EARS2: variants seen among roughly 807,000 people sequenced by gnomAD.
EARS2 encodes the protein glutamyl-tRNA synthetase 2, mitochondrial.
In EARS2, 50 loss-of-function variants were observed where a neutral mutation model predicts 54.1. The observed-to-expected ratio is 0.92, with a 90% CI of 0.74 to 1.17. The LOEUF (loss-of-function observed/expected upper bound fraction) is 1.17, where lower values mean the gene tolerates loss of function less well. Among genes scored for constraint, EARS2 ranks in the 50% most tolerant of loss-of-function variants. The probability of loss-of-function intolerance (pLI) is 0.00; values close to 1 mark genes in which losing one functional copy is unlikely to be tolerated. For synonymous variants in EARS2, 298 were observed against 281.0 expected (o/e 1.06, Z -0.61); for missense variants, 673 against 675.0 (o/e 1.00, Z 0.03).
Position 23,557,252 on chromosome 16 carries a change from G to A in EARS2, c.92C>T (p.Thr31Ile). 6.6e-7 allele frequency: 1 copy of A among 1,523,514 alleles called. No homozygotes were observed. The highest frequency in any genetic ancestry group is 1.4e-5 in the African/African-American group (1 of 72,228). 94.4% of individuals were successfully genotyped at this position (1,523,514 alleles called of 1,614,324 possible). The change falls in exon 1 of 9, where the codon ACT (threonine) becomes ATT (isoleucine). Residue 31 changes from threonine (T) to isoleucine (I), a missense_variant. This residue lies in a region of EARS2 where 316 missense variants were observed against 275.2 expected (regional missense o/e 1.15). Coordinates refer to ENST00000449606, the MANE Select transcript of EARS2 (RefSeq NM_001083614.2). Reference sequence around the variant, plus strand: ...CACTCGCACCGCAACCCCGGCATCAGTGCCCAGGTTGGCCTCGCGCCGTCC... The same window carrying A: ...CACTCGCACCGCAACCCCGGCATCAATGCCCAGGTTGGCCTCGCGCCGTCC... Reference protein sequence around the residue: ...PVGRREANLGTDAGVAVRVRF... With the variant: ...PVGRREANLGIDAGVAVRVRF...
rs1302965621 is a variant in EARS2 at position 23,521,927 on chromosome 16, C to T, written c.*2444G>A. ...ATCTGAGTTTAAATCTTGGTTTTGC[C>T]TCGTACTATAACCTCGGAAGTTTTA... On this transcript the variant is annotated 3_prime_UTR_variant, in exon 9 of 9. Coordinates refer to ENST00000449606, the MANE Select transcript of EARS2 (RefSeq NM_001083614.2). 3 of 435,234 alleles carry T rather than the reference C, an allele frequency of 6.9e-6. No homozygotes were observed. Among genetic ancestry groups the T allele is most frequent in the East Asian group, 1.4e-4 (2 of 14,132 alleles). The allele number at this position is 435,234 out of a possible 1,614,324, so 27.0% of individuals were successfully genotyped here.
intron 5 of EARS2, among the ~76,000 whole-genome samples, chr16:23,531,324 G>A (rs563869553): frequency 2.0e-5 from 3 of 151,544 alleles, no homozygotes; most frequent in East Asian, 3.9e-4. Context: ...GCAGTGGAGC[G>A]ATCTCGGCTC....
intron 2 of EARS2, among the ~76,000 whole-genome samples, chr16:23,547,910 A>G (rs1199245352): frequency 6.6e-6 from 1 of 151,750 alleles, no homozygotes; most frequent in East Asian, 1.9e-4. Context: ...CAGCCTGGGC[A>G]ACATGGTGAA....
chr16:23,552,633 G>T (rs568785565), intron 1 of EARS2, among the ~76,000 whole-genome samples: 1 of 152,224 alleles, frequency 6.6e-6, no homozygotes, highest in Non-Finnish European at 1.5e-5. Context: ...GGGATTACAG[G>T]TGTGTGCCAC....
chr16:23,549,172 G>C (rs547602086), intron 2 of EARS2, among the ~76,000 whole-genome samples: 31 of 152,332 alleles, frequency 2.0e-4, no homozygotes, highest in African/African-American at 7.5e-4. Context: ...AGCTACAGGA[G>C]TGAAGAGCTG....
intron 3 of EARS2, among the ~76,000 whole-genome samples, chr16:23,544,129 G>C (rs988029280): frequency 3.9e-5 from 6 of 152,172 alleles, no homozygotes; most frequent in African/African-American, 1.4e-4. Context: ...CAGCTCGTAC[G>C]TGCTCACTCT....
chr16:23,542,259 T>G (rs7204605), intron 3 of EARS2, among the ~76,000 whole-genome samples: 122,990 of 149,532 alleles, frequency 0.82, 50,679 homozygotes, highest in Middle Eastern at 0.89. Context: ...CCTCCCAAAG[T>G]GCTGGAATTA....
chr16:23,538,259 C>T (rs1469853590), intron 3 of EARS2, among the ~76,000 whole-genome samples: 2 of 152,016 alleles, frequency 1.3e-5, no homozygotes, highest in African/African-American at 2.4e-5. Flanking sequence ...GTAGCCTCTG[C>T]CTCCCAGGCT....
intron 1 of EARS2, among the ~76,000 whole-genome samples, chr16:23,552,635 G>A (rs1192061713): frequency 6.6e-6 from 1 of 152,344 alleles, no homozygotes; most frequent in East Asian, 1.9e-4. Context: ...GATTACAGGT[G>A]TGTGCCACCA....
At position 23,535,176 on chromosome 16, in the gene EARS2, C is replaced by T. The variant is rs141129877; in HGVS notation, c.670G>A (p.Gly224Ser). 6.8e-4 allele frequency: 1,091 copies of T among 1,613,674 alleles called. 9 individuals are homozygous for T. The African/African-American group carries it at 0.012, about 18-fold the overall frequency. Reference protein sequence around the residue: ...EGDPVIMKSDGFPTYHLACVV... With the variant: ...EGDPVIMKSDSFPTYHLACVV... Reference sequence around the variant, plus strand: ...CAGGCCAGGTGGTATGTGGGGAAGCCGTCGCTCTTCATGATGACTGGGTCT... The same window carrying T: ...CAGGCCAGGTGGTATGTGGGGAAGCTGTCGCTCTTCATGATGACTGGGTCT... The change falls in exon 4 of 9, where the codon GGC (glycine) becomes AGC (serine). Residue 224 changes from glycine (G) to serine (S), a missense_variant. Coordinates refer to ENST00000449606, the MANE Select transcript of EARS2 (RefSeq NM_001083614.2).
At chr16:23,542,752 T>C (rs1473118180) in intron 3 of EARS2, among the ~76,000 whole-genome samples, 1 of 152,174 alleles carries the variant, frequency 6.6e-6, no homozygotes, top group Non-Finnish European at 1.5e-5. Context: ...TCCCCTCCCC[T>C]TGAGTGTGGG....
At chr16:23,543,117 CAAAAAAAA>C (rs35137770) in intron 3 of EARS2, among the ~76,000 whole-genome samples, 5 of 71,994 alleles carry the variant, frequency 6.9e-5, no homozygotes, top group African/African-American at 3.3e-4. Context: ...TCTGTCTCAC[CAAAAAAAA>C]AAAAAAAAAA....
At chr16:23,533,783 C>A (rs904505682) in intron 4 of EARS2, among the ~76,000 whole-genome samples, 1 of 151,776 alleles carries the variant, frequency 6.6e-6, no homozygotes, top group African/African-American at 2.4e-5. Flanking sequence ...AGGCCAGGCA[C>A]GGTGGCTCAC....
chr16:23,536,648 C>T (rs541657098), intron 3 of EARS2, among the ~76,000 whole-genome samples: 2 of 149,128 alleles, frequency 1.3e-5, no homozygotes, highest in South Asian at 2.1e-4. Context: ...GGTGACACAG[C>T]GAGACCCTGT....
rs142416955 is a variant in EARS2 at position 23,533,784 on chromosome 16, G to A, written c.959-1019C>T. On this transcript the variant is annotated intron_variant, in intron 4 of 8. Coordinates refer to ENST00000449606, the MANE Select transcript of EARS2 (RefSeq NM_001083614.2). ...AAGAGTTAAGAACCAGGCCAGGCAC[G>A]GTGGCTCACGCCTGTAATCCCAGTA... Among the ~76,000 whole-genome samples, 101 of 152,252 alleles carry A rather than the reference G, an allele frequency of 6.6e-4. No individual in the cohort carries two copies. The East Asian group carries it at 0.017, about 26-fold the overall frequency.
At chr16:23,524,889 C>A (rs1234728260) in intron 8 of EARS2, 5 of 453,084 alleles carry the variant, frequency 1.1e-5, no homozygotes, top group Admixed American at 4.0e-5. Flanking sequence ...AGGTGATCCA[C>A]CTGCCTAGGC....
chr16:23,527,068 T>C (rs1366517420), intron 7 of EARS2, among the ~76,000 whole-genome samples: 2 of 152,074 alleles, frequency 1.3e-5, no homozygotes, highest in Non-Finnish European at 2.9e-5. Context: ...GCTCAAACGA[T>C]CCTCCCACCT....
intron 5 of EARS2, 110 bp from the exon 6 acceptor site, chr16:23,530,007 A>G: frequency 1.5e-6 from 2 of 1,366,728 alleles, no homozygotes; most frequent in Non-Finnish European, 2.0e-6. Flanking sequence ...AGGTCCCATG[A>G]GCCCTCCCTT....
chr16:23,540,429 T>C (rs8050899), intron 3 of EARS2, among the ~76,000 whole-genome samples: 1,730 of 152,352 alleles, frequency 0.011, 30 homozygotes, highest in African/African-American at 0.04. Context: ...AATAGTTCAC[T>C]GGAACTGCAA....
Sources: allele counts gnomAD v4.1 joint callset (sites outside exome capture counted in the v4.1 genomes callset), GRCh38; gene constraint gnomAD v4.1.1; regional missense constraint gnomAD v4.1.1; transcripts MANE v1.5; gene names NCBI Gene and HGNC (gene_info 2026-07-23, HGNC 2026-07-21).